Variants in RGS7 observed in about 807,000 individuals in gnomAD.
The protein encoded by RGS7 is regulator of G protein signaling 7.
RGS7 carries 27 observed loss-of-function variants against 81.1 expected under a neutral mutation model. The observed-to-expected ratio is 0.33, with a 90% CI of 0.25 to 0.46. The LOEUF is 0.46. Among genes scored for constraint, RGS7 ranks in the 20% least tolerant of loss-of-function variants. The pLI, the probability that RGS7 is intolerant of heterozygous loss-of-function variation, is 1.00. For missense variants in RGS7, 396 were observed against 607.4 expected (o/e 0.65, Z 3.66); for synonymous variants, 208 against 207.7 (o/e 1.00, Z -0.01).
chr1:241,114,250 C>T (rs962704811), intron 2 of RGS7, among the ~76,000 whole-genome samples: 2 of 152,178 alleles, frequency 1.3e-5, no homozygotes, highest in Non-Finnish European at 2.9e-5. Context: ...AAGCTAGACA[C>T]TCCTCAATCT....
chr1:240,809,612 G>A (rs770833281), intron 14 of RGS7, among the ~76,000 whole-genome samples: 5 of 152,118 alleles, frequency 3.3e-5, no homozygotes, highest in Admixed American at 1.3e-4. Flanking sequence ...CCTCAGCCAC[G>A]CTTTTCTCAT....
At chr1:241,013,053 C>CTTTTTTTT (rs146066815) in intron 3 of RGS7, among the ~76,000 whole-genome samples, 1 of 80,310 alleles carries the variant, frequency 1.2e-5, no homozygotes, top group African/African-American at 4.6e-5. Context: ...CTGACCCCTC[C>CTTTTTTTT]TTTTTTTTTT....
At chr1:241,179,617 G>T (rs548998872) in intron 2 of RGS7, among the ~76,000 whole-genome samples, 9 of 152,272 alleles carry the variant, frequency 5.9e-5, no homozygotes, top group Admixed American at 4.6e-4. Context: ...TTACTGCACA[G>T]ATTCGGATGG....
chr1:241,185,385 A>G (rs959394963), intron 2 of RGS7, among the ~76,000 whole-genome samples: 1 of 152,214 alleles, frequency 6.6e-6, no homozygotes, highest in African/African-American at 2.4e-5. Context: ...AAAAATCCAA[A>G]GTGATGACTG....
At chr1:240,778,693 T>C (rs778754791) in intron 18 of RGS7, among the ~76,000 whole-genome samples, 6 of 151,994 alleles carry the variant, frequency 3.9e-5, no homozygotes, top group Admixed American at 6.6e-5. Flanking sequence ...CCACCACGCC[T>C]GGCTAATTTT....
At chr1:241,041,338 AT>A (rs2060605170) in intron 3 of RGS7, among the ~76,000 whole-genome samples, 1 of 152,030 alleles carries the variant, frequency 6.6e-6, no homozygotes, top group Non-Finnish European at 1.5e-5. Flanking sequence ...GGTGTTCCAT[AT>A]TTTTGTCTTC....
At chr1:241,080,185 C>T (rs928037720) in intron 3 of RGS7, among the ~76,000 whole-genome samples, 3 of 150,884 alleles carry the variant, frequency 2.0e-5, no homozygotes, top group Non-Finnish European at 2.9e-5. Flanking sequence ...AGATAATGAT[C>T]TTAAATTTAA....
chr1:241,326,827 T>C (rs1454719035), intron 2 of RGS7, among the ~76,000 whole-genome samples: 1 of 149,678 alleles, frequency 6.7e-6, no homozygotes, highest in Non-Finnish European at 1.5e-5. Context: ...AGAGGATCAC[T>C]TGAGCCCAGG....
chr1:240,910,788 G>C (rs1386438588), intron 6 of RGS7, among the ~76,000 whole-genome samples: 1 of 152,042 alleles, frequency 6.6e-6, no homozygotes, highest in African/African-American at 2.4e-5. Context: ...TGTCATCTCA[G>C]CTCACTGCAA....
chr1:241,126,868 G>A (rs1188618672), intron 2 of RGS7, among the ~76,000 whole-genome samples: 1 of 150,642 alleles, frequency 6.6e-6, no homozygotes, highest in Non-Finnish European at 1.5e-5. Flanking sequence ...CAACCTTGTA[G>A]AGTCCTAGGC....
chr1:241,121,077 C>A (rs557361019), intron 2 of RGS7, among the ~76,000 whole-genome samples: 1 of 152,302 alleles, frequency 6.6e-6, no homozygotes, highest in South Asian at 2.1e-4. Context: ...TTACTCCTTA[C>A]TCCATTACTC....
At chr1:241,256,962 C>CGT (rs1241650614) in intron 2 of RGS7, among the ~76,000 whole-genome samples, 17 of 139,566 alleles carry the variant, frequency 1.2e-4, no homozygotes, top group East Asian at 4.4e-4. Flanking sequence ...CACACACACA[C>CGT]GTGTGTGTAT....
At chr1:241,193,313 T>C (rs1208427687) in intron 2 of RGS7, among the ~76,000 whole-genome samples, 1 of 152,200 alleles carries the variant, frequency 6.6e-6, no homozygotes, top group Non-Finnish European at 1.5e-5. Flanking sequence ...CTCCTGAAGA[T>C]GGTCTTGAGT....
intron 4 of RGS7, among the ~76,000 whole-genome samples, chr1:240,939,607 G>A (rs1161274338): frequency 6.6e-6 from 1 of 152,158 alleles, no homozygotes; most frequent in Non-Finnish European, 1.5e-5. Context: ...ACCCCAGATT[G>A]TTTCAAGTTG....
At chr1:240,969,615 T>C (rs1682877666) in intron 4 of RGS7, among the ~76,000 whole-genome samples, 1 of 152,236 alleles carries the variant, frequency 6.6e-6, no homozygotes, top group Admixed American at 6.5e-5. Context: ...ATAAACAATA[T>C]ATATTTAAAA....
intron 2 of RGS7, among the ~76,000 whole-genome samples, chr1:241,168,426 T>C (rs1390490404): frequency 1.3e-5 from 2 of 152,304 alleles, no homozygotes; most frequent in Admixed American, 6.5e-5. Flanking sequence ...ATTGGAAATA[T>C]ATGCATGGCA....
At chr1:241,172,078 C>G (rs1481393071) in intron 2 of RGS7, among the ~76,000 whole-genome samples, 1 of 152,188 alleles carries the variant, frequency 6.6e-6, no homozygotes, top group Non-Finnish European at 1.5e-5. Context: ...TATGCTCAGA[C>G]AAGTCCTTAG....
At chr1:241,089,063 C>CTCTCTCTCTATATATATATATATA (rs1374552672) in intron 3 of RGS7, among the ~76,000 whole-genome samples, 2 of 23,686 alleles carry the variant, frequency 8.4e-5, no homozygotes, top group African/African-American at 2.3e-4. Context: ...CTCTCTCTCT[C>CTCTCTCTCTATATATATATATATA]TATATATATA....
chr1:241,136,116 C>G (rs1175859261), intron 2 of RGS7, among the ~76,000 whole-genome samples: 4 of 152,088 alleles, frequency 2.6e-5, no homozygotes, highest in Non-Finnish European at 4.4e-5. Flanking sequence ...TATCGTCCAC[C>G]ACATCCCTCC....
Sources: allele counts gnomAD v4.1 joint callset (sites outside exome capture counted in the v4.1 genomes callset), GRCh38; gene constraint gnomAD v4.1.1; transcripts MANE v1.5; gene names NCBI Gene and HGNC (gene_info 2026-07-23, HGNC 2026-07-21).